Variants in BIRC7 observed in about 807,000 individuals in gnomAD.
BIRC7 encodes the protein baculoviral IAP repeat containing 7.
In BIRC7, 26 loss-of-function variants were observed where a neutral mutation model predicts 33.2. That is an observed-to-expected ratio of 0.78 (90% CI 0.57 to 1.09). BIRC7 has a LOEUF of 1.09. Among genes scored for constraint, BIRC7 ranks in the 50% least tolerant of loss-of-function variants. The pLI, the probability that BIRC7 is intolerant of heterozygous loss-of-function variation, is 0.00. For missense variants in BIRC7, 409 were observed against 401.2 expected (o/e 1.02, Z -0.17); for synonymous variants, 176 against 171.0 (o/e 1.03, Z -0.23).
rs1226680205 is a variant in BIRC7 at position 63,238,429 on chromosome 20, CTT to C, written c.485_486del (p.Phe162CysfsTer38). ...QFLLRSKGRDFVHSVQETHSQ... is the reference protein window; with the variant it reads ...QFLLRSKGRDXVHSVQETHSQ... Reference sequence around the variant, plus strand: ...TCCTGCTCCGGTCAAAAGGAAGAGACTTTGTCCACAGTGTGCAGGAGACTCAC... The same window carrying C: ...TCCTGCTCCGGTCAAAAGGAAGAGACTGTCCACAGTGTGCAGGAGACTCAC... On this transcript the variant is annotated frameshift_variant, in exon 3 of 7. Coordinates refer to ENST00000217169, the MANE Select transcript of BIRC7 (RefSeq NM_139317.3). LOFTEE classifies it high-confidence loss of function. The C allele has an allele frequency of 1.2e-6, 2 of 1,612,482 alleles. No homozygotes were observed. The highest frequency in any genetic ancestry group is 1.7e-5 in the Admixed American group (1 of 60,012).
chr20:63,236,467 C>A, intron 1 of BIRC7, 22 bp downstream of exon 1: 1 of 1,506,488 alleles, frequency 6.6e-7, no homozygotes, highest in Non-Finnish European at 8.8e-7. Flanking sequence ...GCGGGGGGGC[C>A]TTCCTGCCGT....
Position 63,239,568 on chromosome 20 carries a change from C to A in BIRC7, c.860C>A (p.Ala287Asp), listed in dbSNP as rs745662101. ...PGLQLCPICR[A>D]PVRSRVRTFL... is the part of the protein sequence containing the mutation. ...CTGCAGCTGTGCCCCATCTGCAGAG[C>A]CCCCGTCCGCAGCCGCGTGCGCACC... Residue 287 changes from alanine (A) to aspartate (D), a missense_variant, in exon 6 of 7, where the codon GCC (alanine) becomes GAC (aspartate). By Grantham distance (126) the Ala-to-Asp change is moderately radical. Transcript: ENST00000217169. 1 of 1,601,316 alleles carries A rather than the reference C, an allele frequency of 6.2e-7. No individual in the cohort carries two copies. The highest frequency in any genetic ancestry group is 1.1e-5 in the South Asian group (1 of 90,958).
Position 63,238,448 on chromosome 20 carries a change from GAGACT to G in BIRC7, c.503_507del (p.Glu168AlafsTer31), listed in dbSNP as rs755643687. The stretch of plus-strand genomic sequence containing the variant: ...AAGAGACTTTGTCCACAGTGTGCAG[GAGACT>G]CACTCCCAGCTGCTGGGCTCCTGGG... On this transcript the variant is annotated frameshift_variant, in exon 3 of 7. Coordinates refer to ENST00000217169, the MANE Select transcript of BIRC7 (RefSeq NM_139317.3). LOFTEE classifies it high-confidence loss of function. 1 of 1,612,652 alleles carries G rather than the reference GAGACT, an allele frequency of 6.2e-7. No individual in the cohort carries two copies. Among genetic ancestry groups the G allele is most frequent in the South Asian group, 1.1e-5 (1 of 91,086 alleles).
intron 4 of BIRC7, 60 bp from the exon 5 acceptor site, chr20:63,239,102 T>C: frequency 6.4e-7 from 1 of 1,555,220 alleles, no homozygotes; most frequent in Non-Finnish European, 8.8e-7. Context: ...GACCTGTATC[T>C]GGGCCGGCCC....
At chr20:63,236,610 G>C (rs1029706401) in intron 1 of BIRC7, among the ~76,000 whole-genome samples, 165 bp downstream of exon 1, 1 of 152,198 alleles carries the variant, frequency 6.6e-6, no homozygotes, top group Non-Finnish European at 1.5e-5. Flanking sequence ...CCATGGGCTC[G>C]TGCCTGACAC....
chr20:63,239,031 G>T, intron 4 of BIRC7, 131 bp from the exon 5 acceptor site: 1 of 916,250 alleles, frequency 1.1e-6, no homozygotes, highest in South Asian at 1.5e-5. Context: ...AAGAAGTGTC[G>T]GGAGCGGGGA....
rs1383262961 is a variant in BIRC7 at position 63,239,423 on chromosome 20, G to A, written c.715G>A (p.Val239Met). The A allele has an allele frequency of 2.0e-5, 32 of 1,606,314 alleles. No homozygotes were observed. Among genetic ancestry groups the A allele is most frequent in the Non-Finnish European group, 2.6e-5 (31 of 1,179,894 alleles). ...TCTTGAGCCCCCAGGAGCCAGGGAT[G>A]TGGAGGCGCAGCTGCGGCGGCTGCA... ...WVLEPPGARD[V>M]EAQLRRLQEE... The change falls in exon 6 of 7, where the codon GTG (valine) becomes ATG (methionine). Residue 239 changes from valine (V) to methionine (M), a missense_variant. Transcript: ENST00000217169.
chr20:63,237,286 G>A (rs1482023374), intron 1 of BIRC7, among the ~76,000 whole-genome samples: 1 of 152,242 alleles, frequency 6.6e-6, no homozygotes, highest in African/African-American at 2.4e-5. Flanking sequence ...GCAAAGGCCA[G>A]GCAAGAGGCA....
chr20:63,239,694 C>T, intron 6 of BIRC7, 84 bp downstream of exon 6: 1 of 1,453,830 alleles, frequency 6.9e-7, no homozygotes, highest in Non-Finnish European at 9.1e-7. Flanking sequence ...TGAACCCATG[C>T]AGGCCCTTCC....
chr20:63,237,717 C>T (rs1326035856), intron 1 of BIRC7, among the ~76,000 whole-genome samples, 186 bp from the exon 2 acceptor site: 4 of 152,146 alleles, frequency 2.6e-5, no homozygotes, highest in African/African-American at 2.4e-5. Context: ...CCCTTGTCCC[C>T]TTTTCACCTT....
chr20:63,239,548 G>A lies in BIRC7; in HGVS notation c.840G>A (p.Gln280=), dbSNP rs1285979980. ...LVCAECAPGL[Q]LCPICRAPVR... ...GTGCTGAGTGTGCCCCCGGCCTGCAGCTGTGCCCCATCTGCAGAGCCCCCG... is the reference window on the plus strand; with the variant it reads ...GTGCTGAGTGTGCCCCCGGCCTGCAACTGTGCCCCATCTGCAGAGCCCCCG... Residue 280 remains glutamine (Q), a synonymous_variant, in exon 6 of 7, where the codon CAG becomes CAA. Transcript: ENST00000217169. 1 of 1,603,534 alleles carries A rather than the reference G, an allele frequency of 6.2e-7. No individual in the cohort carries two copies. Among genetic ancestry groups the A allele is most frequent in the African/African-American group, 1.3e-5 (1 of 75,004 alleles).
rs753521399 is a variant in BIRC7 at position 63,239,558 on chromosome 20, A to G, written c.850A>G (p.Ile284Val). 13 of 1,602,684 alleles carry G rather than the reference A, an allele frequency of 8.1e-6. No individual in the cohort carries two copies. The Admixed American group carries it at 1.5e-4, about 19-fold the overall frequency. Reference protein sequence around the residue: ...ECAPGLQLCPICRAPVRSRVR... With the variant: ...ECAPGLQLCPVCRAPVRSRVR... Reference sequence around the variant, plus strand: ...TGCCCCCGGCCTGCAGCTGTGCCCCATCTGCAGAGCCCCCGTCCGCAGCCG... The same window carrying G: ...TGCCCCCGGCCTGCAGCTGTGCCCCGTCTGCAGAGCCCCCGTCCGCAGCCG... Residue 284 changes from isoleucine to valine, a missense_variant, in exon 6 of 7, where the codon ATC (isoleucine) becomes GTC (valine). Transcript: ENST00000217169.
At chr20:63,238,329 G>T in intron 2 of BIRC7, 67 bp from the exon 3 acceptor site, 1 of 1,581,392 alleles carries the variant, frequency 6.3e-7, no homozygotes. Flanking sequence ...GACCCCCGGG[G>T]ATCCAAGGGC....
rs537991526 is a variant in BIRC7, at chr20:63,236,390, G to C, written c.294G>C (p.Pro98=). The change falls in exon 1 of 7, where the codon CCG becomes CCC. Residue 98 remains proline (P), a synonymous_variant. Transcript: ENST00000217169. ...GTCTGGCCTCCTTCTATGACTGGCC[G>C]CTGACTGCTGAGGTGCCACCCGAGC... ...ELRLASFYDW[P]LTAEVPPELL... is the part of the protein sequence containing the mutation. 256 of 1,568,250 alleles carry C rather than the reference G, an allele frequency of 1.6e-4. 3 individuals carry two copies. In the South Asian group the frequency reaches 2.7e-3, roughly 17 times the overall value.
rs536423363 is a variant in BIRC7 at position 63,239,581 on chromosome 20, CCG to C, written c.876_877del (p.Val293AlafsTer46). The C allele has an allele frequency of 1.9e-5, 31 of 1,598,980 alleles. No homozygotes were observed. Among genetic ancestry groups the C allele is most frequent in the Non-Finnish European group, 2.6e-5 (31 of 1,179,000 alleles). ...CPICRAPVRS[R>X]VRTFLS is the part of the protein sequence containing the mutation. ...CCATCTGCAGAGCCCCCGTCCGCAGCCGCGTGCGCACCTTCCTGTCCTAGGCC... is the reference window on the plus strand; with the variant it reads ...CCATCTGCAGAGCCCCCGTCCGCAGCCGTGCGCACCTTCCTGTCCTAGGCC... On this transcript the variant is annotated frameshift_variant, in exon 6 of 7. Coordinates refer to ENST00000217169, the MANE Select transcript of BIRC7 (RefSeq NM_139317.3). LOFTEE classifies it low-confidence loss of function (END_TRUNC).
chr20:63,239,672 G>A, intron 6 of BIRC7, 62 bp downstream of exon 6: 1 of 1,518,304 alleles, frequency 6.6e-7, no homozygotes, highest in Non-Finnish European at 8.8e-7. Context: ...AGCCGGCTGT[G>A]CCCGGCCCTC....
intron 6 of BIRC7, among the ~76,000 whole-genome samples, chr20:63,239,970 C>T (rs1194831573): frequency 2.0e-5 from 3 of 152,248 alleles, no homozygotes; most frequent in African/African-American, 2.4e-5. Flanking sequence ...AAGCGAGACA[C>T]TGGCCTGGCT....
intron 4 of BIRC7, 96 bp downstream of exon 4, chr20:63,238,710 A>T: frequency 6.7e-7 from 1 of 1,503,284 alleles, no homozygotes; most frequent in Non-Finnish European, 9.1e-7. Context: ...GACAGCAGGG[A>T]GAGTGACGGG....
Position 63,236,456 on chromosome 20 carries a change from G to A in BIRC7, c.349+11G>A, listed in dbSNP as rs770171583. ...GCTTCTTCCACACAGGTCAGTCCCG[G>A]GCGGGGGGGCCTTCCTGCCGTGGGC... is the stretch of plus-strand genomic sequence containing the variant. On this transcript the variant is annotated intron_variant, in intron 1 of 6. Coordinates refer to ENST00000217169, the MANE Select transcript of BIRC7 (RefSeq NM_139317.3). 10 of 1,511,424 alleles carry A rather than the reference G, an allele frequency of 6.6e-6. No homozygotes were observed. The highest frequency in any genetic ancestry group is 8.8e-6 in the Non-Finnish European group (10 of 1,132,864). 93.6% of individuals were successfully genotyped at this position (1,511,424 alleles called of 1,614,324 possible).
Sources: gnomAD v4.1 joint callset for allele counts (sites outside exome capture counted in the v4.1 genomes callset) on GRCh38, gnomAD v4.1.1 for gene constraint, MANE v1.5 for transcripts, NCBI Gene and HGNC (gene_info 2026-07-23, HGNC 2026-07-21) for gene names.